LMF1: variants seen among roughly 807,000 people sequenced by gnomAD.
LMF1 encodes the protein transmembrane protein 112.
Under a neutral mutation model 60.6 loss-of-function variants are expected in LMF1, and 68 were observed. The observed-to-expected ratio is 1.12, with a 90% CI of 0.92 to 1.37. The LOEUF is 1.37. Among genes scored for constraint, LMF1 ranks in the 40% most tolerant of loss-of-function variants. LMF1 has a pLI of 0.00. For missense variants in LMF1, 948 were observed against 767.2 expected, an observed-to-expected ratio of 1.24 and a Z score of -2.78; for synonymous variants, 418 against 324.7, an observed-to-expected ratio of 1.29 and a Z score of -3.09.
At chr16:941,806 C>T (rs71380213) in intron 2 of LMF1, among the ~76,000 whole-genome samples, 4,608 of 152,264 alleles carry the variant, frequency 0.03, 114 homozygotes, top group Admixed American at 0.046. Context: ...AATATTTTCT[C>T]GCTTCACGTA....
Position 923,345 on chromosome 16 carries a change from C to T in LMF1, c.514+10899G>A, listed in dbSNP as rs2151770018. Among the ~76,000 whole-genome samples, 2 of 152,254 alleles carry T rather than the reference C, an allele frequency of 1.3e-5. 1 individual carries two copies. The highest frequency in any genetic ancestry group is 4.1e-4 in the South Asian group (2 of 4,824). On this transcript the variant is annotated intron_variant, in intron 3 of 10. Coordinates refer to ENST00000262301, the MANE Select transcript of LMF1 (RefSeq NM_022773.4). ...TTCATTCCTCCCCATTGCGTGGCTTCCTGAACAGCCATGTATTTCCTAACT... is the reference window on the plus strand; with the variant it reads ...TTCATTCCTCCCCATTGCGTGGCTTTCTGAACAGCCATGTATTTCCTAACT...
chr16:959,879 T>C (rs1597080641), intron 1 of LMF1, among the ~76,000 whole-genome samples: 1 of 152,080 alleles, frequency 6.6e-6, no homozygotes, highest in Admixed American at 6.6e-5. Context: ...ATACACCATG[T>C]TCCAGGACGG....
chr16:872,429 T>C (rs937194528), intron 6 of LMF1: 2 of 152,236 alleles, frequency 1.3e-5, no homozygotes, highest in East Asian at 1.9e-4. Context: ...CCTGGGTGAA[T>C]TGGGAAAAAT....
chr16:945,178 T>C (rs1192802913), intron 2 of LMF1, among the ~76,000 whole-genome samples: 1 of 124,892 alleles, frequency 8.0e-6, no homozygotes. Context: ...ACCACTGCAC[T>C]CCAGCCTGGG....
At chr16:898,350 C>T (rs1356067679) in intron 4 of LMF1, among the ~76,000 whole-genome samples, 1 of 152,234 alleles carries the variant, frequency 6.6e-6, no homozygotes, top group Non-Finnish European at 1.5e-5. Flanking sequence ...CGCCGCAGAG[C>T]CTAGGGGACC....
rs1002101801 is a variant in LMF1, at chr16:874,497, C to T, written c.898-3156G>A. On this transcript the variant is annotated intron_variant, in intron 6 of 10. Coordinates refer to ENST00000262301, the MANE Select transcript of LMF1 (RefSeq NM_022773.4). This position sits in a 1 kb window ranked among gnomAD's most constrained non-coding sequence, Gnocchi z 4.1. The stretch of plus-strand genomic sequence containing the variant: ...TGCCCTAGTGGAGGCTGATGGCTCC[C>T]GTGGGGTGCTGGCTGGGCGGCCGGG... Among the ~76,000 whole-genome samples the T allele has an allele frequency of 6.6e-6, 1 of 152,176 alleles. No individual in the cohort carries two copies. The highest frequency in any genetic ancestry group is 2.4e-5 in the African/African-American group (1 of 41,444).
chr16:917,041 C>A (rs1212676714), intron 3 of LMF1, among the ~76,000 whole-genome samples: 1 of 152,230 alleles, frequency 6.6e-6, no homozygotes, highest in Non-Finnish European at 1.5e-5. Flanking sequence ...GGAGACGCCA[C>A]CCAGGGGCTG....
intron 3 of LMF1, chr16:931,779 T>C (rs2071793316): frequency 6.2e-6 from 8 of 1,286,926 alleles, no homozygotes; most frequent in Non-Finnish European, 5.1e-6. Flanking sequence ...CAGTCCAAAG[T>C]GACGTGCTGA....
At chr16:928,691 C>CA (rs2071681484) in intron 3 of LMF1, among the ~76,000 whole-genome samples, 1 of 151,590 alleles carries the variant, frequency 6.6e-6, no homozygotes. Flanking sequence ...CCCACGCCCC[C>CA]ACGAGCCCCT....
chr16:858,638 A>T (rs1403175312), intron 10 of LMF1, among the ~76,000 whole-genome samples: 1 of 39,104 alleles, frequency 2.6e-5, no homozygotes, highest in Non-Finnish European at 4.5e-5. Flanking sequence ...ACGGGTGTGC[A>T]GTGGTGTCTC....
In LMF1 at chr16:878,659, C is replaced by T. The variant is rs780814949; in HGVS notation, c.897+911G>A. Among the ~76,000 whole-genome samples the T allele has an allele frequency of 2.7e-5, 4 of 150,346 alleles. No individual in the cohort carries two copies. The highest frequency in any genetic ancestry group is 6.6e-5 in the Admixed American group (1 of 15,148). On this transcript the variant is annotated intron_variant, in intron 6 of 10. Coordinates refer to ENST00000262301, the MANE Select transcript of LMF1 (RefSeq NM_022773.4). This position sits in a 1 kb window ranked among gnomAD's most constrained non-coding sequence, Gnocchi z 5.2. The stretch of plus-strand genomic sequence containing the variant: ...CCATGGGCGCCCCCACGTGCACCAA[C>T]GTGGCGTGGCACCCGTGCCTGCTGA...
At chr16:978,996 C>T (rs983518058) in intron 1 of LMF1, 1 of 454,034 alleles carries the variant, frequency 2.2e-6, no homozygotes, top group Non-Finnish European at 4.4e-6. Flanking sequence ...CCTGAAGTCC[C>T]CGCCTCTGAG....
chr16:955,467 G>GCACGCACACA (rs1279558055), intron 1 of LMF1, among the ~76,000 whole-genome samples: 4 of 94,320 alleles, frequency 4.2e-5, no homozygotes, highest in African/African-American at 2.4e-4. Context: ...CGCGGTGTGT[G>GCACGCACACA]CATACACACA....
rs1425175492 is a variant in LMF1 at position 870,721 on chromosome 16, G to C, written c.1232+8C>G. 1 of 1,612,420 alleles carries C rather than the reference G, an allele frequency of 6.2e-7. No individual in the cohort carries two copies. Among genetic ancestry groups the C allele is most frequent in the East Asian group, 2.2e-5 (1 of 44,872 alleles). ...CAGCTCCGGGGGACGGGGACCCCAGGCTCATACCTTCCGAAGGCCCCGTAA... is the reference window on the plus strand; with the variant it reads ...CAGCTCCGGGGGACGGGGACCCCAGCCTCATACCTTCCGAAGGCCCCGTAA... On this transcript the variant is annotated splice_region_variant and intron_variant, in intron 8 of 10. Coordinates refer to ENST00000262301, the MANE Select transcript of LMF1 (RefSeq NM_022773.4).
intron 10 of LMF1, 114 bp downstream of exon 10, chr16:868,830 G>A (rs2069686994): frequency 4.2e-6 from 3 of 708,924 alleles, no homozygotes; most frequent in Non-Finnish European, 7.5e-6. Flanking sequence ...GCCTCTGCGG[G>A]AGGGAAGGGG....
chr16:920,268 A>G (rs1428384173), intron 3 of LMF1, among the ~76,000 whole-genome samples: 2 of 152,208 alleles, frequency 1.3e-5, no homozygotes, highest in Non-Finnish European at 2.9e-5. Context: ...CACAGCACGC[A>G]CTGCATGTCC....
intron 1 of LMF1, chr16:977,076 GC>G (rs1567349550): frequency 6.6e-6 from 3 of 454,142 alleles, no homozygotes; most frequent in South Asian, 4.7e-5. Context: ...GGCTACAGAG[GC>G]CCAGAAAGCA....
At chr16:975,540 G>A (rs886766252), upstream of LMF1, among the ~76,000 whole-genome samples, 14 of 152,224 alleles carry the variant, frequency 9.2e-5, no homozygotes, top group Non-Finnish European at 1.8e-4. Context: ...TCCATGCCCA[G>A]GCCCCAAGAA....
chr16:881,961 A>G (rs2070174411), intron 5 of LMF1, among the ~76,000 whole-genome samples: 6 of 152,090 alleles, frequency 3.9e-5, no homozygotes, highest in Admixed American at 3.9e-4. Context: ...GGGTCTTGGG[A>G]TGAAGAAGGA....
Sources: gnomAD v4.1 joint callset for allele counts (sites outside exome capture counted in the v4.1 genomes callset) on GRCh38, gnomAD v4.1.1 for gene constraint, Gnocchi (gnomAD v3.1) non-coding constraint, MANE v1.5 for transcripts, NCBI Gene and HGNC (gene_info 2026-07-23, HGNC 2026-07-21) for gene names.